The following XKR9 variants were observed in gnomAD, a reference collection of about 807,000 sequenced individuals.
XKR9 encodes the protein XK-related protein 9.
A neutral mutation model predicts 32.0 loss-of-function variants in XKR9; 32 were observed. The ratio of observed to expected loss-of-function variants is 1.00; its 90% CI spans 0.76 to 1.34. XKR9 has a LOEUF of 1.34. XKR9 is among the 40% of genes most tolerant of loss of function. The pLI is 0.00. For synonymous variants in XKR9, 168 were observed against 143.4 expected (o/e 1.17, Z -1.22); for missense variants, 546 against 429.7 (o/e 1.27, Z -2.39).
chr8:70,841,526 T>C, the XKR9 span, among the ~76,000 whole-genome samples: 2,128 of 152,278 alleles, frequency 0.014, 47 homozygotes, highest in African/African-American at 0.049. Flanking sequence ...ATTGCCTCAT[T>C]GATGTCCCTT....
the XKR9 span, among the ~76,000 whole-genome samples, chr8:70,831,290 CAAAA>C: frequency 1.9e-5 from 2 of 104,386 alleles, no homozygotes. Context: ...GACTCTGTCT[CAAAA>C]AAAAAAAAAA....
At chr8:70,973,814 C>T in the XKR9 span, among the ~76,000 whole-genome samples, 6 of 152,150 alleles carry the variant, frequency 3.9e-5, no homozygotes, top group South Asian at 1.2e-3. Flanking sequence ...ATTCCACTGT[C>T]GTTGGAGAGA....
the XKR9 span, among the ~76,000 whole-genome samples, chr8:71,025,469 G>A: frequency 6.6e-6 from 1 of 152,090 alleles, no homozygotes; most frequent in African/African-American, 2.4e-5. Flanking sequence ...CTTACAATTC[G>A]TAACAAAGGC....
the XKR9 span, among the ~76,000 whole-genome samples, chr8:70,864,880 GCACC>G: frequency 4.2e-4 from 64 of 152,240 alleles, no homozygotes; most frequent in African/African-American, 1.5e-3. Context: ...TTTAACCCCA[GCACC>G]ATGTTTTATC....
At position 70,719,073 on chromosome 8, in the gene XKR9, A is replaced by G. The variant is rs902020592; in HGVS notation, c.493+11920A>G. On this transcript the variant is annotated intron_variant, in intron 4 of 4. Transcript: ENST00000408926. ...TGCATTTGTCTAATGACCAGTTATG[A>G]TGAGTTTTTTTTCATATGTTTGTTG... is the stretch of plus-strand genomic sequence containing the variant. 3.3e-5 allele frequency among the ~76,000 whole-genome samples: 5 copies of G among 152,086 alleles called. No individual in the cohort carries two copies. In the East Asian group the frequency reaches 5.8e-4, roughly 18 times the overall value.
Position 70,718,091 on chromosome 8 carries a change from A to C in XKR9, c.493+10938A>C, listed in dbSNP as rs1305507278. Reference sequence around the variant, plus strand: ...AGCATTTTGGTCAAAGGCATTCAACAAGTCTCTAGGAAGTTCCAAACTTTC... The same window carrying C: ...AGCATTTTGGTCAAAGGCATTCAACCAGTCTCTAGGAAGTTCCAAACTTTC... On this transcript the variant is annotated intron_variant, in intron 4 of 4. Coordinates refer to ENST00000408926, the MANE Select transcript of XKR9 (RefSeq NM_001011720.2). Among the ~76,000 whole-genome samples the C allele has an allele frequency of 2.0e-5, 3 of 152,148 alleles. No individual in the cohort carries two copies. In the East Asian group the frequency reaches 5.8e-4, roughly 29 times the overall value.
chr8:70,685,106 C>A (rs1465889811), intron 3 of XKR9, among the ~76,000 whole-genome samples: 1 of 151,478 alleles, frequency 6.6e-6, no homozygotes, highest in Non-Finnish European at 1.5e-5. Context: ...AAATGTCCAA[C>A]AACAATAGAC....
chr8:70,708,654 A>T (rs1805806417), intron 4 of XKR9, among the ~76,000 whole-genome samples: 1 of 152,162 alleles, frequency 6.6e-6, no homozygotes, highest in East Asian at 1.9e-4. Context: ...TATCTGGAAG[A>T]AAATATGCAA....
At chr8:70,844,760 T>G in the XKR9 span, among the ~76,000 whole-genome samples, 1 of 152,218 alleles carries the variant, frequency 6.6e-6, no homozygotes. Flanking sequence ...AGCAACCAGC[T>G]GCATGTGCCA....
chr8:70,956,474 T>A, the XKR9 span, among the ~76,000 whole-genome samples: 1 of 152,158 alleles, frequency 6.6e-6, no homozygotes, highest in African/African-American at 2.4e-5. Flanking sequence ...TTACTCCAGG[T>A]GCCCACTTTG....
chr8:70,986,892 C>A, the XKR9 span, among the ~76,000 whole-genome samples: 1 of 152,272 alleles, frequency 6.6e-6, no homozygotes, highest in East Asian at 1.9e-4. Context: ...TTCCACGTGG[C>A]TGTGGAAGCT....
At chr8:70,994,989 T>G in the XKR9 span, among the ~76,000 whole-genome samples, 4 of 152,190 alleles carry the variant, frequency 2.6e-5, no homozygotes, top group African/African-American at 9.6e-5. Flanking sequence ...TTATGTAGAT[T>G]TCTCTGGGTT....
chr8:70,859,566 T>G, the XKR9 span, among the ~76,000 whole-genome samples: 1 of 152,106 alleles, frequency 6.6e-6, no homozygotes, highest in Non-Finnish European at 1.5e-5. Flanking sequence ...GCAGTACTAT[T>G]CAGAATAGCC....
chr8:70,993,187 G>T, the XKR9 span, among the ~76,000 whole-genome samples: 1 of 151,580 alleles, frequency 6.6e-6, no homozygotes, highest in African/African-American at 2.4e-5. Flanking sequence ...CTAGAGTCTA[G>T]ATTGTCCTTC....
In XKR9 at chr8:70,734,230, C is replaced by G. The variant is rs199630915; in HGVS notation, c.928C>G (p.Leu310Val). ...ATTGACTGTATTCTGGGTTTGCCCC[C>G]TCACTATTTTTAATCCAGACTATTT... ...GILTVFWVCP[L>V]TIFNPDYFIP... The change falls in exon 5 of 5, where the codon CTC (leucine) becomes GTC (valine). Residue 310 changes from leucine (L) to valine (V), a missense_variant. Coordinates refer to ENST00000408926, the MANE Select transcript of XKR9 (RefSeq NM_001011720.2). 6.2e-7 allele frequency: 1 copy of G among 1,613,056 alleles called. No homozygotes were observed. The highest frequency in any genetic ancestry group is 1.3e-5 in the African/African-American group (1 of 75,006).
rs1288342616 is a variant in XKR9 at position 70,696,182 on chromosome 8, T to C, written c.273-10751T>C. Among the ~76,000 whole-genome samples, 3 of 152,292 alleles carry C rather than the reference T, an allele frequency of 2.0e-5. No homozygotes were observed. The South Asian group carries it at 6.2e-4, about 32-fold the overall frequency. On this transcript the variant is annotated intron_variant, in intron 3 of 4. Coordinates refer to ENST00000408926, the MANE Select transcript of XKR9 (RefSeq NM_001011720.2). ...CTTTTGCTGTGCAGAAGCTCTTTAG[T>C]TTAATTAGATCTCATTTGTCAATTC... is the stretch of plus-strand genomic sequence containing the variant.
chr8:70,695,987 G>GCA (rs1805259820), intron 3 of XKR9, among the ~76,000 whole-genome samples: 1 of 151,732 alleles, frequency 6.6e-6, no homozygotes, highest in African/African-American at 2.4e-5. Flanking sequence ...CTTCTTTTAA[G>GCA]AAGTGTCTGT....
the XKR9 span, among the ~76,000 whole-genome samples, chr8:70,880,311 T>C: frequency 3.2e-4 from 49 of 152,248 alleles, 1 homozygote; most frequent in African/African-American, 1.1e-3. Context: ...GGGTATTCAA[T>C]TGGAAATGAG....
intron 2 of XKR9, among the ~76,000 whole-genome samples, chr8:70,744,441 C>CTT (rs1422267461): frequency 6.6e-6 from 1 of 152,140 alleles, no homozygotes; most frequent in Non-Finnish European, 1.5e-5. Flanking sequence ...CATCACTACC[C>CTT]TTTAACTGGG....
Sources: gnomAD v4.1 joint callset for allele counts (sites outside exome capture counted in the v4.1 genomes callset) on GRCh38, gnomAD v4.1.1 for gene constraint, MANE v1.5 for transcripts, NCBI Gene and HGNC (gene_info 2026-07-23, HGNC 2026-07-21) for gene names.